Variants in DIAPH3 observed in about 807,000 individuals in gnomAD.
DIAPH3 encodes diaphanous related formin 3, also known as protein diaphanous homolog 3.
DIAPH3 carries 117 observed loss-of-function variants against 144.3 expected under a neutral mutation model. The observed-to-expected ratio is 0.81, with a 90% CI of 0.70 to 0.95. The LOEUF is 0.95. Among genes scored for constraint, DIAPH3 ranks in the 40% least tolerant of loss-of-function variants. The probability of loss-of-function intolerance (pLI) is 0.00; values close to 1 mark genes in which losing one functional copy is unlikely to be tolerated. For missense variants in DIAPH3, 1,421 were observed against 1,412.7 expected (o/e 1.01, Z -0.09); for synonymous variants, 519 against 488.9 (o/e 1.06, Z -0.81).
At chr13:59,772,576 G>A (rs968693034) in intron 27 of DIAPH3, among the ~76,000 whole-genome samples, 2 of 151,988 alleles carry the variant, frequency 1.3e-5, no homozygotes, top group African/African-American at 2.4e-5. Flanking sequence ...TGATTTATAC[G>A]TAATTGTATC....
intron 22 of DIAPH3, among the ~76,000 whole-genome samples, chr13:59,856,939 T>G (rs1000171121): frequency 3.9e-5 from 6 of 152,118 alleles, no homozygotes; most frequent in African/African-American, 1.4e-4. Flanking sequence ...CATTCTAATA[T>G]TCTACTCCTG....
At chr13:59,762,078 T>A (rs2037626708) in intron 27 of DIAPH3, among the ~76,000 whole-genome samples, 1 of 108,382 alleles carries the variant, frequency 9.2e-6, no homozygotes, top group African/African-American at 4.1e-5. Context: ...TTTTTTTTTT[T>A]TTAGACAGTC....
chr13:60,042,760 C>T lies in DIAPH3; in HGVS notation c.556G>A (p.Gly186Arg), dbSNP rs1405945344. The T allele has an allele frequency of 6.2e-7, 1 of 1,613,712 alleles. No homozygotes were observed. The highest frequency in any genetic ancestry group is 1.7e-5 in the Admixed American group (1 of 59,990). ...PQEFIHELKM[G>R]SADERLVTCL... ...GTGACAAGTCTCTCATCTGCAGACC[C>T]CATTTTCAGCTCATGAATGAATTCC... Residue 186 changes from glycine to arginine, a missense_variant, in exon 5 of 28, where the codon GGG becomes AGG. Coordinates refer to ENST00000400324, the MANE Select transcript of DIAPH3 (RefSeq NM_001042517.2).
chr13:60,065,860 C>A (rs545453291), intron 4 of DIAPH3, among the ~76,000 whole-genome samples: 1 of 152,120 alleles, frequency 6.6e-6, no homozygotes, highest in Non-Finnish European at 1.5e-5. Flanking sequence ...AATGGAAAAT[C>A]AAGGAGAAAA....
chr13:59,878,919 G>A (rs1048100867), intron 21 of DIAPH3, among the ~76,000 whole-genome samples: 5 of 152,098 alleles, frequency 3.3e-5, no homozygotes, highest in Admixed American at 3.3e-4. Context: ...AACTGAGTAA[G>A]TACGAGTCAG....
chr13:59,859,106 C>T (rs1247887502), intron 22 of DIAPH3, among the ~76,000 whole-genome samples: 3 of 152,102 alleles, frequency 2.0e-5, no homozygotes, highest in Non-Finnish European at 2.9e-5. Context: ...CAAAATATTA[C>T]ATTTTCTCCT....
At chr13:59,798,804 C>T (rs571398954) in intron 25 of DIAPH3, among the ~76,000 whole-genome samples, 4 of 152,252 alleles carry the variant, frequency 2.6e-5, no homozygotes, top group Admixed American at 6.5e-5. Flanking sequence ...AGTAGCCCTG[C>T]GCATTCATCC....
intron 13 of DIAPH3, among the ~76,000 whole-genome samples, chr13:59,983,218 A>C (rs1298536219): frequency 6.6e-5 from 10 of 150,766 alleles, no homozygotes; most frequent in Admixed American, 4.6e-4. Context: ...AAAAAAAAAA[A>C]AAAAGGCTTC....
intron 5 of DIAPH3, among the ~76,000 whole-genome samples, chr13:60,032,717 G>A (rs1276770726): frequency 6.6e-6 from 1 of 152,240 alleles, no homozygotes; most frequent in East Asian, 1.9e-4. Flanking sequence ...TCTCTGAAAT[G>A]TCTTCAAGGT....
At chr13:59,803,346 G>T (rs1345000033) in intron 25 of DIAPH3, among the ~76,000 whole-genome samples, 1 of 152,024 alleles carries the variant, frequency 6.6e-6, no homozygotes, top group Non-Finnish European at 1.5e-5. Context: ...AAATTATTTT[G>T]CCTCAAATAA....
chr13:59,704,971 T>G (rs1289116013), intron 27 of DIAPH3, among the ~76,000 whole-genome samples: 1 of 152,184 alleles, frequency 6.6e-6, no homozygotes. Context: ...GTGAAAAGAA[T>G]TAGTTCCATA....
intron 2 of DIAPH3, among the ~76,000 whole-genome samples, chr13:60,115,631 T>A (rs2058683111): frequency 6.6e-6 from 1 of 152,192 alleles, no homozygotes; most frequent in Admixed American, 6.5e-5. Flanking sequence ...CCATCTTTAG[T>A]TCATGTTTGT....
At chr13:59,838,606 G>A (rs951431648) in intron 23 of DIAPH3, 6 of 152,088 alleles carry the variant, frequency 3.9e-5, no homozygotes, top group Admixed American at 2.0e-4. Context: ...AGTTAAACAC[G>A]TTTATGAAGT....
chr13:60,047,786 A>G (rs994316357), intron 4 of DIAPH3, among the ~76,000 whole-genome samples: 2 of 152,212 alleles, frequency 1.3e-5, no homozygotes, highest in African/African-American at 4.8e-5. Context: ...ATTAAATTCA[A>G]AAGTCTCTTA....
chr13:59,753,029 A>G (rs1485648194), intron 27 of DIAPH3, among the ~76,000 whole-genome samples: 2 of 152,140 alleles, frequency 1.3e-5, no homozygotes, highest in African/African-American at 4.8e-5. Context: ...CAAATATTTT[A>G]CTCTCTGGCA....
At chr13:59,848,270 C>G (rs2042767241) in intron 22 of DIAPH3, among the ~76,000 whole-genome samples, 1 of 147,234 alleles carries the variant, frequency 6.8e-6, no homozygotes. Context: ...CCTTCCGTGG[C>G]TTTTGAGTGG....
intron 27 of DIAPH3, among the ~76,000 whole-genome samples, chr13:59,716,677 G>A (rs1411637196): frequency 6.6e-6 from 1 of 152,112 alleles, no homozygotes; most frequent in South Asian, 2.1e-4. Flanking sequence ...ATGTAAGACG[G>A]CTTAAATAAC....
intron 1 of DIAPH3, among the ~76,000 whole-genome samples, chr13:60,142,592 C>T (rs922102470): frequency 6.6e-6 from 1 of 152,202 alleles, no homozygotes; most frequent in Middle Eastern, 3.4e-3. Flanking sequence ...TAATGTGCTC[C>T]ACACGTGTGC....
At chr13:60,022,332 T>C (rs1404579680) in intron 5 of DIAPH3, among the ~76,000 whole-genome samples, 1 of 152,190 alleles carries the variant, frequency 6.6e-6, no homozygotes, top group African/African-American at 2.4e-5. Flanking sequence ...TCTCAATCTA[T>C]CTTAGAGGGA....
Sources: allele counts gnomAD v4.1 joint callset (sites outside exome capture counted in the v4.1 genomes callset), GRCh38; gene constraint gnomAD v4.1.1; transcripts MANE v1.5; gene names NCBI Gene and HGNC (gene_info 2026-07-23, HGNC 2026-07-21).